PRKD2: variants seen among roughly 807,000 people sequenced by gnomAD.
The protein encoded by PRKD2 is serine/threonine-protein kinase D2.
PRKD2 carries 22 observed loss-of-function variants against 86.0 expected under a neutral mutation model. The observed-to-expected ratio is 0.26, with a 90% CI of 0.18 to 0.37. PRKD2 has a LOEUF of 0.37. Ranked by LOEUF, PRKD2 falls within the 10% of genes least tolerant of loss-of-function variation. PRKD2 has a pLI of 1.00. For missense variants in PRKD2, 818 were observed against 1,199.2 expected, an observed-to-expected ratio of 0.68 and a Z score of 4.70; for synonymous variants, 509 against 510.9, an observed-to-expected ratio of 1.00 and a Z score of 0.05.
chr19:46,678,317 C>A lies in PRKD2; in HGVS notation c.2338+79G>T. 6.5e-7 allele frequency: 1 copy of A among 1,543,974 alleles called. No individual in the cohort carries two copies. Among genetic ancestry groups the A allele is most frequent in the East Asian group, 2.4e-5 (1 of 41,676 alleles). On this transcript the variant is annotated intron_variant, in intron 16 of 17. Transcript: ENST00000291281. The surrounding 1 kb of genome is among the most constrained non-coding windows in gnomAD (Gnocchi z 5.7). Reference sequence around the variant, plus strand: ...GGTGCCAGGCTGTTTCCGGGTCCACCCCCCTCTCATGGCTCCGCCCACTTC... The same window carrying A: ...GGTGCCAGGCTGTTTCCGGGTCCACACCCCTCTCATGGCTCCGCCCACTTC...
intron 2 of PRKD2, among the ~76,000 whole-genome samples, chr19:46,712,754 G>A (rs994172683): frequency 1.3e-5 from 2 of 152,160 alleles, no homozygotes; most frequent in African/African-American, 4.8e-5. Context: ...GAGCAGCAGG[G>A]AAGGCAGCCA....
At chr19:46,710,871 C>T (rs1365185473) in intron 3 of PRKD2, 36 bp downstream of exon 3, 5 of 1,517,684 alleles carry the variant, frequency 3.3e-6, no homozygotes, top group African/African-American at 1.4e-5. Flanking sequence ...TGCAGAGCCC[C>T]GCCCCAGGCC....
At chr19:46,714,759 G>A (rs929710972) in intron 1 of PRKD2, among the ~76,000 whole-genome samples, 3 of 152,174 alleles carry the variant, frequency 2.0e-5, no homozygotes, top group East Asian at 3.8e-4. Context: ...GTTCACCCAA[G>A]GGACAATCTG....
At position 46,678,407 on chromosome 19, in the gene PRKD2, A is replaced by G. The variant is rs747736186; in HGVS notation, c.2327T>C (p.Ile776Thr). The change falls in exon 16 of 18, where the codon ATC becomes ACC. Residue 776 changes from isoleucine (I) to threonine (T), a missense_variant. Ile to Thr is a moderately conservative substitution (Grantham distance 89). This residue lies in a region of PRKD2 where 132 missense variants were observed against 146.2 expected (regional missense o/e 0.90). Transcript: ENST00000291281. The surrounding 1 kb of genome is among the most constrained non-coding windows in gnomAD (Gnocchi z 5.7). The part of the protein sequence containing the change: ...FMYPASPWSH[I>T]SAGAIDLINN... ...CGGGCCCCAGGCACCTCCAGCTGAGATGTGGCTCCAGGGGCTGGCCGGGTA... is the reference window on the plus strand; with the variant it reads ...CGGGCCCCAGGCACCTCCAGCTGAGGTGTGGCTCCAGGGGCTGGCCGGGTA... The G allele has an allele frequency of 2.5e-6, 4 of 1,613,876 alleles. No individual in the cohort carries two copies. Among genetic ancestry groups the G allele is most frequent in the Admixed American group, 3.3e-5 (2 of 59,992 alleles).
intron 15 of PRKD2, among the ~76,000 whole-genome samples, chr19:46,680,744 C>T (rs1236436443): frequency 6.6e-6 from 1 of 150,586 alleles, no homozygotes; most frequent in Non-Finnish European, 1.5e-5. Context: ...TGCTCTGTCA[C>T]CCCAGCTGGA....
In PRKD2 at chr19:46,681,714, T is replaced by C; in HGVS notation, c.2006A>G (p.Asn669Ser). The C allele has an allele frequency of 6.2e-7, 1 of 1,613,114 alleles. No homozygotes were observed. Among genetic ancestry groups the C allele is most frequent in the Non-Finnish European group, 8.5e-7 (1 of 1,179,488 alleles). Residue 669 changes from asparagine to serine, a missense_variant, in exon 15 of 18, where the codon AAC becomes AGC. By Grantham distance (46) the Asn-to-Ser change is conservative. This residue lies in a region of PRKD2 where 154 missense variants were observed against 359.6 expected (regional missense o/e 0.43). Transcript: ENST00000291281. The part of the protein sequence containing the change: ...LVALRHLHFK[N>S]IVHCDLKPEN... The stretch of plus-strand genomic sequence containing the variant: ...TGGTTTCAAGTCACAGTGGACAATG[T>C]TCTTGAAGTGAAGGTGTCTCAAAGC...
chr19:46,708,387 G>A (rs1412094145), intron 3 of PRKD2, among the ~76,000 whole-genome samples: 2 of 140,368 alleles, frequency 1.4e-5, no homozygotes, highest in Admixed American at 1.6e-4. Context: ...GCATGATCAC[G>A]GCTCACCGCA....
chr19:46,675,383 T>A (rs1249052685), intron 16 of PRKD2, among the ~76,000 whole-genome samples: 1 of 151,702 alleles, frequency 6.6e-6, no homozygotes, highest in Non-Finnish European at 1.5e-5. Context: ...CTATGTCACC[T>A]TTTTTTTTCT....
intron 12 of PRKD2, among the ~76,000 whole-genome samples, chr19:46,691,076 G>T (rs191940514): frequency 6.6e-6 from 1 of 152,226 alleles, no homozygotes; most frequent in Non-Finnish European, 1.5e-5. Flanking sequence ...AGGAAACTGA[G>T]TCTTAGAGTT....
At chr19:46,705,681 G>A (rs566876704) in intron 3 of PRKD2, among the ~76,000 whole-genome samples, 5 of 152,146 alleles carry the variant, frequency 3.3e-5, no homozygotes, top group South Asian at 4.2e-4. Flanking sequence ...CAGCTACTCC[G>A]GAGGCTGAGG....
At chr19:46,708,972 G>GTTTTT (rs1363680607) in intron 3 of PRKD2, among the ~76,000 whole-genome samples, 1 of 136,356 alleles carries the variant, frequency 7.3e-6, no homozygotes, top group Admixed American at 7.4e-5. Flanking sequence ...TTTGTTTGTG[G>GTTTTT]TTTTTTTTTT....
chr19:46,698,908 AC>A (rs2053598130), intron 7 of PRKD2, among the ~76,000 whole-genome samples: 1 of 151,600 alleles, frequency 6.6e-6, no homozygotes, highest in Non-Finnish European at 1.5e-5. Flanking sequence ...CACACCCGCC[AC>A]CCCCAATCCC....
Position 46,716,247 on chromosome 19 carries a change from C to T in PRKD2, c.124G>A (p.Gly42Ser), listed in dbSNP as rs1458435913. The T allele has an allele frequency of 1.2e-6, 2 of 1,603,818 alleles. No homozygotes were observed. The highest frequency in any genetic ancestry group is 1.4e-5 in the African/African-American group (1 of 73,744). ...TGGATGTGAAAGGAGACCCCGGAACCCGGGGCCGGGATCTGGGGCAGTAGC... is the reference window on the plus strand; with the variant it reads ...TGGATGTGAAAGGAGACCCCGGAACTCGGGGCCGGGATCTGGGGCAGTAGC... ...PPLLPQIPAP[G>S]SGVSFHIQIG... Residue 42 changes from glycine (G) to serine (S), a missense_variant, in exon 1 of 18, where the codon GGT (glycine) becomes AGT (serine). Transcript: ENST00000291281. The surrounding 1 kb of genome is among the most constrained non-coding windows in gnomAD (Gnocchi z 7.9).
At chr19:46,680,946 A>ATATATATATATATATATATTTTTT in intron 15 of PRKD2, among the ~76,000 whole-genome samples, 62 of 48,178 alleles carry the variant, frequency 1.3e-3, no homozygotes, top group Non-Finnish European at 1.9e-3. Context: ...ATATATATAT[A>ATATATATATATATATATATTTTTT]TTTTTTTTTT....
At chr19:46,696,717 T>C (rs1167070038) in intron 9 of PRKD2, among the ~76,000 whole-genome samples, 1 of 152,158 alleles carries the variant, frequency 6.6e-6, no homozygotes, top group East Asian at 1.9e-4. Context: ...ATCGCGCCAC[T>C]GCACTCCAGC....
At chr19:46,703,912 C>T (rs1880006885) in intron 5 of PRKD2, among the ~76,000 whole-genome samples, 1 of 150,294 alleles carries the variant, frequency 6.7e-6, no homozygotes, top group African/African-American at 2.5e-5. Flanking sequence ...CCACTGCACT[C>T]CAGCCTGGGT....
At chr19:46,685,852 G>C (rs1188915466) in intron 14 of PRKD2, 4 of 152,398 alleles carry the variant, frequency 2.6e-5, no homozygotes, top group African/African-American at 9.6e-5. Flanking sequence ...GGGAGGCTGA[G>C]GTAGGAGAAT....
At chr19:46,686,955 A>T (rs1308013782) in intron 14 of PRKD2, among the ~76,000 whole-genome samples, 2 of 152,116 alleles carry the variant, frequency 1.3e-5, no homozygotes, top group African/African-American at 4.8e-5. Context: ...CGTCTCAAAA[A>T]AAAATAAAAA....
chr19:46,691,979 G>A lies in PRKD2; in HGVS notation c.1583C>T (p.Ala528Val), dbSNP rs772278023. 40 of 1,613,828 alleles carry A rather than the reference G, an allele frequency of 2.5e-5. No homozygotes were observed. The highest frequency in any genetic ancestry group is 3.2e-5 in the Non-Finnish European group (38 of 1,179,888). ...GTTGGACACAGAGATGCTCAGAGAA[G>A]CTTGTCCTAGGGAGAGGGGAGAGAC... ...SAPGHAPHRQ[A>V]SLSISVSNSQ... Residue 528 changes from alanine to valine, a missense_variant, in exon 11 of 18, where the codon GCT (alanine) becomes GTT (valine). By Grantham distance (64) the Ala-to-Val change is moderately conservative. Around this residue, in one of 5 missense-constraint regions of PRKD2, gnomAD observed 154 missense variants for 359.6 expected, o/e 0.43. Transcript: ENST00000291281.
Sources: gnomAD v4.1 joint callset for allele counts (sites outside exome capture counted in the v4.1 genomes callset) on GRCh38, gnomAD v4.1.1 for gene constraint, gnomAD v4.1.1 regional missense constraint, Gnocchi (gnomAD v3.1) non-coding constraint, MANE v1.5 for transcripts, NCBI Gene and HGNC (gene_info 2026-07-23, HGNC 2026-07-21) for gene names.